MDH1: variants seen among roughly 807,000 people sequenced by gnomAD.
MDH1 encodes malate dehydrogenase, cytoplasmic.
In MDH1, 15 loss-of-function variants were observed where a neutral mutation model predicts 38.7. The ratio of observed to expected loss-of-function variants is 0.39; its 90% CI spans 0.26 to 0.60. The LOEUF (loss-of-function observed/expected upper bound fraction) is 0.60. Ranked by LOEUF, MDH1 falls within the 20% of genes least tolerant of loss-of-function variation. The pLI, the probability that MDH1 is intolerant of heterozygous loss-of-function variation, is 0.56. For missense variants in MDH1, 368 were observed against 405.2 expected (o/e 0.91, Z 0.79); for synonymous variants, 144 against 143.6 (o/e 1.00, Z -0.02).
At chr2:63,594,968 A>G (rs1709276990) in intron 2 of MDH1, 1 of 251,534 alleles carries the variant, frequency 4.0e-6, no homozygotes, top group Non-Finnish European at 7.7e-6. Context: ...CCGCTGAAGC[A>G]GGCACTCCGA....
At chr2:63,594,236 A>G in intron 1 of MDH1, 1 of 574,362 alleles carries the variant, frequency 1.7e-6, no homozygotes, top group South Asian at 1.4e-5. Context: ...TAGTGGTAAA[A>G]TATCCCAAAA....
intron 7 of MDH1, 118 bp from the exon 8 acceptor site, chr2:63,605,821 T>C (rs1709516321): frequency 3.6e-6 from 3 of 833,998 alleles, no homozygotes; most frequent in Non-Finnish European, 6.2e-6. Flanking sequence ...GATAGTTCCT[T>C]ACACAGTAAT....
At position 63,589,064 on chromosome 2, in the gene MDH1, G is replaced by A. The variant is rs150391434; in HGVS notation, c.3+18G>A. The A allele has an allele frequency of 3.1e-6, 5 of 1,613,980 alleles. No individual in the cohort carries two copies. The highest frequency in any genetic ancestry group is 2.2e-5 in the East Asian group (1 of 44,890). On this transcript the variant is annotated intron_variant, in intron 1 of 8. Coordinates refer to ENST00000233114, the MANE Select transcript of MDH1 (RefSeq NM_005917.4). ...CAATCATGGTGAGTGTGGGCCCCGGGTTCCTGCCCACCTCTGGCCCTCGCG... is the reference window on the plus strand; with the variant it reads ...CAATCATGGTGAGTGTGGGCCCCGGATTCCTGCCCACCTCTGGCCCTCGCG...
intron 5 of MDH1, 39 bp from the exon 6 acceptor site, chr2:63,604,657 C>T: frequency 6.6e-7 from 1 of 1,524,798 alleles, no homozygotes; most frequent in Non-Finnish European, 9.0e-7. Context: ...AAATAAAAAC[C>T]ATTTGTCTCA....
chr2:63,601,921 C>A (rs1312947539), intron 5 of MDH1, among the ~76,000 whole-genome samples: 3 of 152,174 alleles, frequency 2.0e-5, no homozygotes, highest in Admixed American at 1.3e-4. Context: ...AGAGCAGTTT[C>A]TTCCCCAGTT....
chr2:63,604,740 C>A lies in MDH1; in HGVS notation c.543C>A (p.Val181=). The change falls in exon 6 of 9, where the codon GTC becomes GTA. Residue 181 remains valine, a synonymous_variant. Coordinates refer to ENST00000233114, the MANE Select transcript of MDH1 (RefSeq NM_005917.4). ...TGACTGCTAATGATGTAAAGAATGT[C>A]ATTATCTGGGGAAACCATTCCTCGA... The part of the protein sequence containing the change: ...LGVTANDVKN[V]IIWGNHSSTQ... 1 of 1,614,058 alleles carries A rather than the reference C, an allele frequency of 6.2e-7. No homozygotes were observed. The highest frequency in any genetic ancestry group is 1.1e-5 in the South Asian group (1 of 91,066).
chr2:63,598,090 A>G (rs1709352206), intron 4 of MDH1: 1 of 152,076 alleles, frequency 6.6e-6, no homozygotes, highest in South Asian at 2.1e-4. Flanking sequence ...AGATTCTAAT[A>G]TGTCTTAATA....
At chr2:63,603,792 G>T (rs1286084556) in intron 5 of MDH1, among the ~76,000 whole-genome samples, 1 of 151,852 alleles carries the variant, frequency 6.6e-6, no homozygotes, top group Non-Finnish European at 1.5e-5. Context: ...CAAGTAGCTG[G>T]GATTACAGAC....
Position 63,604,752 on chromosome 2 carries a change from A to G in MDH1, c.555A>G (p.Gly185=), listed in dbSNP as rs201960609. The change falls in exon 6 of 9, where the codon GGA becomes GGG. Residue 185 remains glycine, a synonymous_variant. Coordinates refer to ENST00000233114, the MANE Select transcript of MDH1 (RefSeq NM_005917.4). ...ANDVKNVIIW[G]NHSSTQYPDV... ...ATGTAAAGAATGTCATTATCTGGGGAAACCATTCCTCGACTCAGTATCCAG... is the reference window on the plus strand; with the variant it reads ...ATGTAAAGAATGTCATTATCTGGGGGAACCATTCCTCGACTCAGTATCCAG... The G allele has an allele frequency of 5.6e-6, 9 of 1,614,202 alleles. No homozygotes were observed. Among genetic ancestry groups the G allele is most frequent in the Middle Eastern group, 3.3e-4 (2 of 6,062 alleles).
intron 1 of MDH1, among the ~76,000 whole-genome samples, chr2:63,592,419 T>C (rs1018444133): frequency 1.1e-4 from 16 of 152,222 alleles, no homozygotes; most frequent in Admixed American, 8.5e-4. Flanking sequence ...CACACAGTAA[T>C]GGCTCACTGT....
chr2:63,594,646 C>A (rs1709268917), intron 2 of MDH1, 60 bp downstream of exon 2: 1 of 1,221,154 alleles, frequency 8.2e-7, no homozygotes, highest in Non-Finnish European at 1.2e-6. Flanking sequence ...TAATAAAAAT[C>A]TGTATTTAGT....
intron 5 of MDH1, 104 bp downstream of exon 5, chr2:63,599,396 G>C (rs1426314573): frequency 8.7e-7 from 1 of 1,155,094 alleles, no homozygotes; most frequent in Non-Finnish European, 1.2e-6. Flanking sequence ...TCTTGTTTTT[G>C]TTTAGTAGGA....
intron 5 of MDH1, among the ~76,000 whole-genome samples, chr2:63,602,996 G>T (rs1431641114): frequency 9.3e-6 from 1 of 107,052 alleles, no homozygotes. Context: ...GTCTCGCCCT[G>T]TCGCCTAGGC....
chr2:63,595,226 A>G (rs975114090), intron 2 of MDH1, among the ~76,000 whole-genome samples, 197 bp from the exon 3 acceptor site: 2 of 152,200 alleles, frequency 1.3e-5, no homozygotes, highest in Non-Finnish European at 2.9e-5. Flanking sequence ...TCTGTTAGCA[A>G]ACCAATGCTG....
intron 3 of MDH1, 22 bp downstream of exon 3, chr2:63,595,541 G>T: frequency 7.2e-7 from 1 of 1,386,104 alleles, no homozygotes; most frequent in South Asian, 1.2e-5. Flanking sequence ...AGTAGAGAAG[G>T]GATTTTATGG....
chr2:63,594,698 G>A (rs1709269881), intron 2 of MDH1, 112 bp downstream of exon 2: 2 of 751,710 alleles, frequency 2.7e-6, no homozygotes, highest in Non-Finnish European at 4.4e-6. Context: ...TGTAATCCCA[G>A]TAAATGTAAT....
chr2:63,594,597 G>C lies in MDH1; in HGVS notation c.102+11G>C, dbSNP rs376853222. On this transcript the variant is annotated intron_variant, in intron 2 of 8. Coordinates refer to ENST00000233114, the MANE Select transcript of MDH1 (RefSeq NM_005917.4). ...TTTGGTAAAGATCAGGTAGGAACAG[G>C]TGTCTATAAATCTTAAGTTATTAGA... 2 of 1,570,482 alleles carry C rather than the reference G, an allele frequency of 1.3e-6. No homozygotes were observed. Among genetic ancestry groups the C allele is most frequent in the East Asian group, 2.2e-5 (1 of 44,628 alleles).
intron 5 of MDH1, among the ~76,000 whole-genome samples, chr2:63,602,405 G>A (rs1158512965): frequency 3.3e-5 from 4 of 121,518 alleles, no homozygotes; most frequent in African/African-American, 6.4e-5. Context: ...CTCAAAAGTC[G>A]CAAAAAAATA....
In MDH1 at chr2:63,604,857, G is replaced by A; in HGVS notation, c.660G>A (p.Lys220=). ...CTCTGAAAGATGACAGCTGGCTCAA[G>A]GGAGAATTTGTCACGGTAAGAAAAA... ...YEALKDDSWL[K]GEFVTTVQQR... Residue 220 remains lysine, a synonymous_variant, in exon 6 of 9, where the codon AAG becomes AAA. Coordinates refer to ENST00000233114, the MANE Select transcript of MDH1 (RefSeq NM_005917.4). 6.2e-7 allele frequency: 1 copy of A among 1,614,096 alleles called. No individual in the cohort carries two copies. The highest frequency in any genetic ancestry group is 8.5e-7 in the Non-Finnish European group (1 of 1,180,012).
Sources: gnomAD v4.1 joint callset for allele counts (sites outside exome capture counted in the v4.1 genomes callset) on GRCh38, gnomAD v4.1.1 for gene constraint, MANE v1.5 for transcripts, NCBI Gene and HGNC (gene_info 2026-07-23, HGNC 2026-07-21) for gene names.